Variants in SLC24A4 observed in about 807,000 individuals in gnomAD.
The protein encoded by SLC24A4 is solute carrier family 24 member 4, also known as sodium/potassium/calcium exchanger 4.
In SLC24A4, 53 loss-of-function variants were observed where a neutral mutation model predicts 79.0. The observed-to-expected ratio is 0.67, with a 90% CI of 0.54 to 0.84. The LOEUF (loss-of-function observed/expected upper bound fraction) is 0.84, where lower values mean the gene tolerates loss of function less well. Ranked by LOEUF, SLC24A4 falls within the 40% of genes least tolerant of loss-of-function variation. The pLI, the probability that SLC24A4 is intolerant of heterozygous loss-of-function variation, is 0.00. For synonymous variants in SLC24A4, 323 were observed against 323.8 expected, an observed-to-expected ratio of 1.00 and a Z score of 0.03; for missense variants, 731 against 822.0, an observed-to-expected ratio of 0.89 and a Z score of 1.35.
chr14:92,331,035 A>C (rs1248022063), intron 2 of SLC24A4, among the ~76,000 whole-genome samples: 1 of 152,164 alleles, frequency 6.6e-6, no homozygotes, highest in Non-Finnish European at 1.5e-5. Flanking sequence ...GGACTTGAAA[A>C]AGACAGATTC....
intron 2 of SLC24A4, among the ~76,000 whole-genome samples, chr14:92,377,917 G>A (rs1029386941): frequency 6.6e-6 from 1 of 151,870 alleles, no homozygotes; most frequent in African/African-American, 2.4e-5. Flanking sequence ...CCAGCTTGGG[G>A]AAGCAGGGTG....
chr14:92,474,775 GTATATATA>G (rs1268591781), intron 12 of SLC24A4, among the ~76,000 whole-genome samples: 5 of 114,764 alleles, frequency 4.4e-5, no homozygotes, highest in Non-Finnish European at 7.2e-5. Context: ...ATATATGTGT[GTATATATA>G]TGTGTGTGTG....
chr14:92,363,134 A>G (rs986894707), intron 2 of SLC24A4, among the ~76,000 whole-genome samples: 2 of 152,248 alleles, frequency 1.3e-5, no homozygotes, highest in African/African-American at 4.8e-5. Context: ...GGTGGGTGCC[A>G]CACTGTGACA....
At chr14:92,433,876 A>G (rs377372352) in intron 2 of SLC24A4, 36 bp from the exon 3 acceptor site, 157 of 1,585,706 alleles carry the variant, frequency 9.9e-5, no homozygotes, top group Middle Eastern at 5.0e-4. Context: ...AGGCCCATAG[A>G]TAACTAACAC....
At chr14:92,459,670 G>A (rs771608322) in intron 12 of SLC24A4, among the ~76,000 whole-genome samples, 2 of 152,172 alleles carry the variant, frequency 1.3e-5, no homozygotes, top group African/African-American at 2.4e-5. Flanking sequence ...TGGAAACCAC[G>A]AATGGCTTCC....
At chr14:92,372,912 CCTTCCTTT>C (rs202216524) in intron 2 of SLC24A4, among the ~76,000 whole-genome samples, 3 of 115,824 alleles carry the variant, frequency 2.6e-5, no homozygotes, top group South Asian at 7.5e-4. Flanking sequence ...TTCCTTCCTT[CCTTCCTTT>C]CTTTCTCTTT....
intron 13 of SLC24A4, among the ~76,000 whole-genome samples, chr14:92,485,422 T>C (rs112984208): frequency 0.027 from 4,079 of 151,568 alleles, 184 homozygotes; most frequent in African/African-American, 0.094. Context: ...CCATGGTCAA[T>C]CCACTGCACT....
intron 2 of SLC24A4, among the ~76,000 whole-genome samples, chr14:92,336,635 C>A (rs1885818040): frequency 1.3e-5 from 2 of 152,186 alleles, no homozygotes; most frequent in African/African-American, 4.8e-5. Context: ...GGCTCTGAAG[C>A]TGGAAGGCAC....
At chr14:92,348,118 C>T (rs1053445726) in intron 2 of SLC24A4, among the ~76,000 whole-genome samples, 1 of 152,150 alleles carries the variant, frequency 6.6e-6, no homozygotes, top group African/African-American at 2.4e-5. Context: ...AGGACGTTCT[C>T]AGGAGGTGAG....
chr14:92,432,003 C>T (rs28361515), intron 2 of SLC24A4, among the ~76,000 whole-genome samples: 4,161 of 152,252 alleles, frequency 0.027, 154 homozygotes, highest in African/African-American at 0.088. Flanking sequence ...CGGAGCCTCA[C>T]CTGAAAACAG....
At chr14:92,436,607 T>G (rs1180146077) in intron 3 of SLC24A4, among the ~76,000 whole-genome samples, 1 of 152,248 alleles carries the variant, frequency 6.6e-6, no homozygotes, top group Non-Finnish European at 1.5e-5. Flanking sequence ...GTTTTTTCTT[T>G]TTTTGATTTG....
At chr14:92,422,353 A>G (rs1399595306) in intron 2 of SLC24A4, among the ~76,000 whole-genome samples, 4 of 152,376 alleles carry the variant, frequency 2.6e-5, no homozygotes, top group East Asian at 3.9e-4. Flanking sequence ...TGTCACCCTT[A>G]GAAGAAATTT....
intron 12 of SLC24A4, among the ~76,000 whole-genome samples, chr14:92,457,982 C>G (rs952096541): frequency 1.3e-5 from 2 of 152,180 alleles, no homozygotes; most frequent in Non-Finnish European, 2.9e-5. Context: ...TTCATGCTTC[C>G]GCATGAAGAT....
In SLC24A4 at chr14:92,433,973, G is replaced by A; in HGVS notation, c.303G>A (p.Leu101=). 1 of 1,614,196 alleles carries A rather than the reference G, an allele frequency of 6.2e-7. No homozygotes were observed. The highest frequency in any genetic ancestry group is 8.5e-7 in the Non-Finnish European group (1 of 1,179,988). ...SNKERQHGAV[L]LHILGALYMF... ...AGGAGCGACAGCACGGAGCCGTCCT[G>A]CTGCACATCCTTGGTGTAAGTCGTC... is the stretch of plus-strand genomic sequence containing the variant. The change falls in exon 3 of 17, where the codon CTG becomes CTA. Residue 101 remains leucine (L), a synonymous_variant. Coordinates refer to ENST00000532405, the MANE Select transcript of SLC24A4 (RefSeq NM_153646.4).
At chr14:92,355,865 G>C (rs1887153609) in intron 2 of SLC24A4, among the ~76,000 whole-genome samples, 1 of 152,154 alleles carries the variant, frequency 6.6e-6, no homozygotes, top group Non-Finnish European at 1.5e-5. Context: ...CTCCCTTGTT[G>C]CTTTCTGACA....
At chr14:92,373,169 T>TATAC (rs1249409939) in intron 2 of SLC24A4, among the ~76,000 whole-genome samples, 3 of 80,276 alleles carry the variant, frequency 3.7e-5, no homozygotes, top group Non-Finnish European at 8.9e-5. Flanking sequence ...CCAGCTAATT[T>TATAC]ATACACACAC....
At chr14:92,352,736 T>G (rs1595152802) in intron 2 of SLC24A4, among the ~76,000 whole-genome samples, 1 of 151,584 alleles carries the variant, frequency 6.6e-6, no homozygotes, top group Non-Finnish European at 1.5e-5. Context: ...ATGTCGGAGG[T>G]TTGGTCCAGC....
At chr14:92,474,823 A>ATGTGTG (rs1491299476) in intron 12 of SLC24A4, among the ~76,000 whole-genome samples, 16 of 8,916 alleles carry the variant, frequency 1.8e-3, no homozygotes, top group African/African-American at 3.1e-3. Context: ...ATATATATAC[A>ATGTGTG]TATATATGTG....
At chr14:92,482,029 C>T (rs1313526512) in intron 12 of SLC24A4, among the ~76,000 whole-genome samples, 2 of 152,220 alleles carry the variant, frequency 1.3e-5, no homozygotes, top group Admixed American at 6.5e-5. Context: ...TTTAGTCTTG[C>T]ACCAGTCTTG....
Sources: gnomAD v4.1 joint callset for allele counts (sites outside exome capture counted in the v4.1 genomes callset) on GRCh38, gnomAD v4.1.1 for gene constraint, MANE v1.5 for transcripts, NCBI Gene and HGNC (gene_info 2026-07-23, HGNC 2026-07-21) for gene names.